The following TAFA2 variants were observed in gnomAD, a reference collection of about 807,000 sequenced individuals.
TAFA2 encodes chemokine-like protein TAFA-2.
Under a neutral mutation model 18.8 loss-of-function variants are expected in TAFA2, and 7 were observed. The ratio of observed to expected loss-of-function variants is 0.37; its 90% CI spans 0.21 to 0.70. The LOEUF is 0.70. Among genes scored for constraint, TAFA2 ranks in the 30% least tolerant of loss-of-function variants. The pLI is 0.53. For synonymous variants in TAFA2, 60 were observed against 54.2 expected, an observed-to-expected ratio of 1.11 and a Z score of -0.47; for missense variants, 122 against 158.1, an observed-to-expected ratio of 0.77 and a Z score of 1.23.
intron 1 of TAFA2, among the ~76,000 whole-genome samples, chr12:62,052,699 T>G (rs1270233144): frequency 6.6e-6 from 1 of 152,024 alleles, no homozygotes; most frequent in Non-Finnish European, 1.5e-5. Context: ...CTACCTAAAT[T>G]CTAATTATTC....
At chr12:62,160,963 T>A (rs2062403192) in intron 1 of TAFA2, among the ~76,000 whole-genome samples, 1 of 152,140 alleles carries the variant, frequency 6.6e-6, no homozygotes, top group South Asian at 2.1e-4. Flanking sequence ...AATGAATGAA[T>A]GAATGAATAC....
chr12:61,942,386 C>T (rs1431269344), intron 1 of TAFA2, among the ~76,000 whole-genome samples: 6 of 151,444 alleles, frequency 4.0e-5, no homozygotes, highest in Admixed American at 2.0e-4. Context: ...AACTCTAAAA[C>T]GCAGAGAGCC....
intron 1 of TAFA2, among the ~76,000 whole-genome samples, chr12:62,009,062 C>T (rs1490190828): frequency 6.6e-6 from 1 of 152,050 alleles, no homozygotes; most frequent in African/African-American, 2.4e-5. Context: ...TCTTTTAGCC[C>T]ATGTAAGTCA....
intron 1 of TAFA2, among the ~76,000 whole-genome samples, chr12:62,217,424 C>T (rs755620555): frequency 3.3e-5 from 5 of 152,108 alleles, no homozygotes; most frequent in African/African-American, 7.2e-5. Context: ...GCAACTGGGC[C>T]CTGGTAGACA....
intron 2 of TAFA2, among the ~76,000 whole-genome samples, chr12:61,781,096 A>C (rs1870483952): frequency 6.6e-6 from 1 of 151,810 alleles, no homozygotes; most frequent in South Asian, 2.1e-4. Flanking sequence ...ACAATCAGAG[A>C]TAAAAGGCTG....
At chr12:61,763,640 G>T (rs1008243337) in intron 2 of TAFA2, among the ~76,000 whole-genome samples, 2 of 151,908 alleles carry the variant, frequency 1.3e-5, no homozygotes, top group Non-Finnish European at 2.9e-5. Flanking sequence ...AGTAAAAGCT[G>T]CAGAACAGAC....
rs117659325 is a variant in TAFA2, at chr12:62,230,020, G to A, written c.-130+28743C>T. On this transcript the variant is annotated intron_variant, in intron 1 of 5. Transcript: ENST00000551619. ...AGTTTTCCAATCTGTTGGCATATAG[G>A]TGTTCATAATAGTCTTTAATGATCC... 5.9e-3 allele frequency among the ~76,000 whole-genome samples: 894 copies of A among 152,066 alleles called. 8 individuals are homozygous for A. Among genetic ancestry groups the A allele is most frequent in the Non-Finnish European group, 0.01 (683 of 67,964 alleles).
At chr12:61,781,612 T>C (rs954300991) in intron 2 of TAFA2, among the ~76,000 whole-genome samples, 11 of 151,648 alleles carry the variant, frequency 7.3e-5, no homozygotes, top group African/African-American at 2.4e-4. Context: ...TATGTGTGTG[T>C]ACCATGGCCT....
At chr12:62,081,711 C>T (rs1868327632) in intron 1 of TAFA2, among the ~76,000 whole-genome samples, 1 of 152,044 alleles carries the variant, frequency 6.6e-6, no homozygotes, top group African/African-American at 2.4e-5. Flanking sequence ...TCTTGAACTG[C>T]TGACCTCAAA....
chr12:61,829,941 A>G (rs1354996712), intron 2 of TAFA2, among the ~76,000 whole-genome samples: 1 of 151,828 alleles, frequency 6.6e-6, no homozygotes, highest in African/African-American at 2.4e-5. Context: ...TTATATCACA[A>G]ACAATGCAAT....
At chr12:62,010,949 G>A (rs193059397) in intron 1 of TAFA2, among the ~76,000 whole-genome samples, 2,969 of 105,398 alleles carry the variant, frequency 0.028, 339 homozygotes, top group Non-Finnish European at 0.043. Flanking sequence ...GCCTCTGCCC[G>A]GCCGCCCTTC....
chr12:62,050,937 T>C (rs1882036082), intron 1 of TAFA2, among the ~76,000 whole-genome samples: 1 of 152,178 alleles, frequency 6.6e-6, no homozygotes, highest in Non-Finnish European at 1.5e-5. Context: ...AGCATCCTTT[T>C]CATCAGTGCT....
intron 3 of TAFA2, 138 bp from the exon 4 acceptor site, chr12:61,753,884 G>C (rs1869138729): frequency 3.3e-6 from 2 of 603,920 alleles, no homozygotes; most frequent in South Asian, 7.1e-5. Flanking sequence ...CTTTCTTTTT[G>C]TTCAAAAGGA....
upstream of TAFA2, among the ~76,000 whole-genome samples, chr12:62,194,834 T>A (rs2062642430): frequency 6.6e-6 from 1 of 152,206 alleles, no homozygotes; most frequent in South Asian, 2.1e-4. Context: ...GTCACACAAT[T>A]TTTTTGGTTT....
rs561748579 is a variant in TAFA2 at position 61,737,063 on chromosome 12, T to C, written c.384+16559A>G. Among the ~76,000 whole-genome samples, 17 of 152,028 alleles carry C rather than the reference T, an allele frequency of 1.1e-4. No individual in the cohort carries two copies. In the South Asian group the frequency reaches 3.5e-3, roughly 32 times the overall value. ...AGTATTGTAGTCCAGGGTCCTGAACTCTGAGAATCACATTAAAGTGATGGC... is the reference window on the plus strand; with the variant it reads ...AGTATTGTAGTCCAGGGTCCTGAACCCTGAGAATCACATTAAAGTGATGGC... On this transcript the variant is annotated intron_variant, in intron 4 of 4. Transcript: ENST00000416284.
intron 2 of TAFA2, among the ~76,000 whole-genome samples, chr12:61,847,623 T>C (rs1215709090): frequency 6.6e-6 from 1 of 152,204 alleles, no homozygotes; most frequent in Non-Finnish European, 1.5e-5. Context: ...TAAAATGAAC[T>C]TTCTTACAAA....
rs575346601 is a variant in TAFA2, at chr12:61,803,515, T to C, written c.107-48491A>G. 2.0e-5 allele frequency among the ~76,000 whole-genome samples: 3 copies of C among 152,036 alleles called. No homozygotes were observed. The South Asian group carries it at 6.2e-4, about 32-fold the overall frequency. ...AAGAAGTTTCTATGATTAAGAGCAA[T>C]ATACTACAACAATAATTGTACAGCT... is the stretch of plus-strand genomic sequence containing the variant. On this transcript the variant is annotated intron_variant, in intron 2 of 4. Coordinates refer to ENST00000416284, the MANE Select transcript of TAFA2 (RefSeq NM_178539.5).
intron 1 of TAFA2, among the ~76,000 whole-genome samples, chr12:62,048,730 T>C (rs1442050322): frequency 6.6e-6 from 1 of 152,184 alleles, no homozygotes; most frequent in Non-Finnish European, 1.5e-5. Context: ...AATGTGAAAA[T>C]TGTTAATAGA....
At chr12:61,996,341 C>G (rs1039626568) in intron 1 of TAFA2, among the ~76,000 whole-genome samples, 4 of 108,632 alleles carry the variant, frequency 3.7e-5, no homozygotes, top group African/African-American at 1.2e-4. Context: ...CTCCCACAAC[C>G]CTTTTTACTC....
Sources: allele counts gnomAD v4.1 joint callset (sites outside exome capture counted in the v4.1 genomes callset), GRCh38; gene constraint gnomAD v4.1.1; transcripts MANE v1.5; gene names NCBI Gene and HGNC (gene_info 2026-07-23, HGNC 2026-07-21).